SIK3: variants seen among roughly 807,000 people sequenced by gnomAD.
SIK3 encodes serine/threonine-protein kinase SIK3.
SIK3 carries 28 observed loss-of-function variants against 144.2 expected under a neutral mutation model. The observed-to-expected ratio is 0.19, with a 90% confidence interval of 0.14 to 0.27. The LOEUF (loss-of-function observed/expected upper bound fraction) is 0.27, where lower values mean the gene tolerates loss of function less well. Among genes scored for constraint, SIK3 ranks in the 10% least tolerant of loss-of-function variants. SIK3 has a pLI of 1.00. For synonymous variants in SIK3, 686 were observed against 676.3 expected, an observed-to-expected ratio of 1.01 and a Z score of -0.22; for missense variants, 1,319 against 1,776.0, an observed-to-expected ratio of 0.74 and a Z score of 4.62.
chr11:117,009,341 T>C (rs1951167735), intron 1 of SIK3, among the ~76,000 whole-genome samples: 1 of 148,818 alleles, frequency 6.7e-6, no homozygotes, highest in Non-Finnish European at 1.5e-5. Flanking sequence ...AGCCCAGGAG[T>C]TCGAGACCAG....
chr11:117,016,099 A>G (rs1473221355), intron 1 of SIK3: 3 of 151,916 alleles, frequency 2.0e-5, no homozygotes, highest in Non-Finnish European at 4.4e-5. Context: ...GCCAAGGCAG[A>G]TAGATCACTT....
chr11:116,927,588 T>C lies in SIK3; in HGVS notation c.455-208A>G, dbSNP rs529797117. On this transcript the variant is annotated intron_variant, in intron 3 of 24. Transcript: ENST00000445177. Reference sequence around the variant, plus strand: ...CAAACTATTTTAAGTATAAATCCTGTTATACAAAAGTATGCATAAGAACAC... The same window carrying C: ...CAAACTATTTTAAGTATAAATCCTGCTATACAAAAGTATGCATAAGAACAC... Among the ~76,000 whole-genome samples the C allele has an allele frequency of 2.6e-5, 4 of 152,334 alleles. No homozygotes were observed. In the South Asian group the frequency reaches 8.3e-4, roughly 32 times the overall value.
At chr11:116,905,807 G>A (rs1320845222) in intron 4 of SIK3, among the ~76,000 whole-genome samples, 1 of 152,018 alleles carries the variant, frequency 6.6e-6, no homozygotes, top group Admixed American at 6.6e-5. Flanking sequence ...GTTTAAAATT[G>A]GTTATCTTTT....
At chr11:116,897,026 CAAAAAAAAAAA>C (rs5795057) in intron 5 of SIK3, among the ~76,000 whole-genome samples, 156 bp downstream of exon 5, 1 of 102,724 alleles carries the variant, frequency 9.7e-6, no homozygotes, top group Non-Finnish European at 2.1e-5. Flanking sequence ...GACTCTGTTT[CAAAAAAAAAAA>C]AAAAAAAAGG....
At chr11:117,076,064 G>C (rs1237334019) in intron 1 of SIK3, among the ~76,000 whole-genome samples, 1 of 151,298 alleles carries the variant, frequency 6.6e-6, no homozygotes, top group African/African-American at 2.4e-5. Flanking sequence ...GGCCAGGCTG[G>C]TCTCCAACTC....
At chr11:116,880,862 G>A (rs559479246) in intron 6 of SIK3, among the ~76,000 whole-genome samples, 7 of 152,122 alleles carry the variant, frequency 4.6e-5, no homozygotes, top group East Asian at 1.9e-4. Flanking sequence ...GGTGGCTCAC[G>A]TCTGTAATCC....
rs761801659 is a variant in SIK3, at chr11:116,862,340, T to C, written c.2104-13A>G. On this transcript the variant is annotated splice_polypyrimidine_tract_variant and intron_variant, in intron 16 of 24. Coordinates refer to ENST00000445177, the MANE Select transcript of SIK3 (RefSeq NM_001366686.3). ...GCTGCTCACACTCCTGAAGGGAAAG[T>C]AGTTAATACAGATGGGATGCAGCCA... The C allele has an allele frequency of 6.2e-7, 1 of 1,614,080 alleles. No individual in the cohort carries two copies. The highest frequency in any genetic ancestry group is 8.5e-7 in the Non-Finnish European group (1 of 1,179,958).
Position 116,867,985 on chromosome 11 carries a change from G to A in SIK3, c.1913C>T (p.Ser638Phe). The A allele has an allele frequency of 6.5e-7, 1 of 1,550,250 alleles. No homozygotes were observed. ...QRQLGQQPFR[S>F]RVWPPHLVPD... ...TACCAGGTGAGGAGGCCAGACCCGG[G>A]AACGGAAAGGCTGCTGTCCTAGCTG... is the stretch of plus-strand genomic sequence containing the variant. Residue 638 changes from serine to phenylalanine, a missense_variant, in exon 15 of 25, where the codon TCC (serine) becomes TTC (phenylalanine). Ser to Phe is a radical substitution (Grantham distance 155). This residue lies in a region of SIK3 where 47 missense variants were observed against 40.2 expected (regional missense o/e 1.17). Coordinates refer to ENST00000445177, the MANE Select transcript of SIK3 (RefSeq NM_001366686.3). This position sits in a 1 kb window ranked among gnomAD's most constrained non-coding sequence, Gnocchi z 4.1.
chr11:117,078,550 G>C (rs963960019), intron 1 of SIK3, among the ~76,000 whole-genome samples: 1 of 151,658 alleles, frequency 6.6e-6, no homozygotes, highest in Non-Finnish European at 1.5e-5. Flanking sequence ...AAGTAGCTGG[G>C]ATTACAGGCC....
At chr11:116,940,068 G>C (rs1294575726) in intron 3 of SIK3, among the ~76,000 whole-genome samples, 1 of 152,114 alleles carries the variant, frequency 6.6e-6, no homozygotes, top group Non-Finnish European at 1.5e-5. Flanking sequence ...GTAGACTTCT[G>C]TTTTGATTAT....
intron 1 of SIK3, among the ~76,000 whole-genome samples, chr11:117,018,364 C>T (rs1388223118): frequency 6.6e-6 from 1 of 152,178 alleles, no homozygotes; most frequent in African/African-American, 2.4e-5. Flanking sequence ...AAAAACGCAG[C>T]TCAAACCTGT....
At chr11:116,943,000 T>C (rs1231475030) in intron 3 of SIK3, among the ~76,000 whole-genome samples, 2 of 152,132 alleles carry the variant, frequency 1.3e-5, no homozygotes, top group Non-Finnish European at 2.9e-5. Flanking sequence ...GACATGATGG[T>C]GGCTTAGACC....
At chr11:116,961,906 A>G (rs1455800690) in intron 1 of SIK3, among the ~76,000 whole-genome samples, 4 of 152,238 alleles carry the variant, frequency 2.6e-5, no homozygotes, top group Non-Finnish European at 5.9e-5. Context: ...AATTTAGATC[A>G]TGCCAAATTT....
At chr11:117,090,844 T>C (rs1158185435) in intron 1 of SIK3, among the ~76,000 whole-genome samples, 1 of 152,172 alleles carries the variant, frequency 6.6e-6, no homozygotes, top group Non-Finnish European at 1.5e-5. Flanking sequence ...AAATACAGGG[T>C]TGGAATATTT....
chr11:117,005,336 G>GAAAAAAAA (rs35279676), intron 1 of SIK3, among the ~76,000 whole-genome samples: 27 of 55,968 alleles, frequency 4.8e-4, no homozygotes, highest in African/African-American at 1.0e-3. Flanking sequence ...CCCCGTCTCA[G>GAAAAAAAA]AAAAAAAAAA....
At chr11:117,025,366 T>C (rs1045909948) in intron 1 of SIK3, among the ~76,000 whole-genome samples, 11 of 152,208 alleles carry the variant, frequency 7.2e-5, no homozygotes, top group Admixed American at 6.5e-4. Context: ...CTTACCGGTA[T>C]GTGACCTTGA....
chr11:117,013,693 G>C (rs1053936537), intron 1 of SIK3, among the ~76,000 whole-genome samples: 10 of 151,278 alleles, frequency 6.6e-5, no homozygotes, highest in African/African-American at 2.4e-4. Flanking sequence ...TATACTTTTA[G>C]CTTTAAAAAA....
intron 22 of SIK3, among the ~76,000 whole-genome samples, chr11:116,847,982 A>T (rs1490775173): frequency 6.6e-6 from 1 of 152,184 alleles, no homozygotes; most frequent in Admixed American, 6.5e-5. Context: ...GTCCTGTCCA[A>T]TATGGTAACC....
intron 3 of SIK3, among the ~76,000 whole-genome samples, chr11:116,935,067 A>G (rs1015670250): frequency 2.6e-5 from 4 of 151,754 alleles, no homozygotes; most frequent in African/African-American, 9.7e-5. Context: ...CCTGGGCGAC[A>G]GAGTGAGACC....
Sources: allele counts gnomAD v4.1 joint callset (sites outside exome capture counted in the v4.1 genomes callset), GRCh38; gene constraint gnomAD v4.1.1; regional missense constraint gnomAD v4.1.1; non-coding constraint Gnocchi (gnomAD v3.1); transcripts MANE v1.5; gene names NCBI Gene and HGNC (gene_info 2026-07-23, HGNC 2026-07-21).